MECOM: variants seen among roughly 807,000 people sequenced by gnomAD.
MECOM encodes histone-lysine N-methyltransferase MECOM.
A neutral mutation model predicts 116.3 loss-of-function variants in MECOM; 13 were observed. The ratio of observed to expected loss-of-function variants is 0.11; its 90% CI spans 0.07 to 0.18. MECOM has a LOEUF of 0.18. Among genes scored for constraint, MECOM ranks in the 10% least tolerant of loss-of-function variants. The pLI is 1.00. For missense variants in MECOM, 1,299 were observed against 1,509.0 expected (o/e 0.86, Z 2.31); for synonymous variants, 528 against 535.2 (o/e 0.99, Z 0.19).
At chr3:169,424,840 A>AT (rs923169004) in intron 1 of MECOM, among the ~76,000 whole-genome samples, 7 of 152,084 alleles carry the variant, frequency 4.6e-5, no homozygotes, top group Non-Finnish European at 1.0e-4. Flanking sequence ...TGATTCATTT[A>AT]TTTTTTTGTT....
intron 2 of MECOM, among the ~76,000 whole-genome samples, chr3:169,299,178 T>C (rs1307074887): frequency 6.6e-6 from 1 of 151,994 alleles, no homozygotes; most frequent in Non-Finnish European, 1.5e-5. Context: ...CCACCTATAG[T>C]CATTACTCAA....
intron 2 of MECOM, among the ~76,000 whole-genome samples, chr3:169,239,708 AT>A (rs1039374292): frequency 3.3e-5 from 5 of 152,082 alleles, no homozygotes; most frequent in African/African-American, 7.2e-5. Flanking sequence ...AAGAAATTGT[AT>A]TTTTTTCTAA....
In MECOM at chr3:169,128,072, A is replaced by T. The variant is rs377512793; in HGVS notation, c.614-12T>A. ...ATATTGCCGTTCTTCTGTGAAAACA[A>T]TTCAGGTGTTAGGATTGGGTGGTCA... On this transcript the variant is annotated splice_polypyrimidine_tract_variant and intron_variant, in intron 4 of 16. Transcript: ENST00000651503. The T allele has an allele frequency of 6.2e-7, 1 of 1,613,524 alleles. No individual in the cohort carries two copies. The highest frequency in any genetic ancestry group is 1.3e-5 in the African/African-American group (1 of 74,926).
chr3:169,599,663 A>G (rs1170391934), intron 1 of MECOM, among the ~76,000 whole-genome samples: 6 of 152,218 alleles, frequency 3.9e-5, no homozygotes, highest in African/African-American at 1.4e-4. Flanking sequence ...CAATTCTCTC[A>G]CTGGGAATGG....
At chr3:169,322,463 T>C (rs1721022638) in intron 2 of MECOM, among the ~76,000 whole-genome samples, 1 of 152,202 alleles carries the variant, frequency 6.6e-6, no homozygotes. Context: ...CAATAGGCTA[T>C]AGGTGTAAAG....
intron 2 of MECOM, among the ~76,000 whole-genome samples, chr3:169,183,297 A>G (rs1746227472): frequency 6.6e-6 from 1 of 152,200 alleles, no homozygotes; most frequent in Non-Finnish European, 1.5e-5. Context: ...TCTGAAGACA[A>G]TGAACACATT....
At chr3:169,504,909 G>T (rs750992719) in intron 1 of MECOM, among the ~76,000 whole-genome samples, 5 of 152,092 alleles carry the variant, frequency 3.3e-5, no homozygotes, top group Non-Finnish European at 5.9e-5. Context: ...CTTAGCATAG[G>T]CATAGCTGGC....
At chr3:169,620,315 C>T (rs1770558412) in intron 1 of MECOM, among the ~76,000 whole-genome samples, 1 of 152,160 alleles carries the variant, frequency 6.6e-6, no homozygotes, top group African/African-American at 2.4e-5. Context: ...CTGTTAATGA[C>T]GAAGGCCTTT....
intron 2 of MECOM, among the ~76,000 whole-genome samples, chr3:169,246,766 C>A (rs892410725): frequency 6.6e-6 from 1 of 152,078 alleles, no homozygotes; most frequent in African/African-American, 2.4e-5. Flanking sequence ...ATGATCCGCC[C>A]GCCTTGGCCT....
chr3:169,393,834 T>G (rs1179829636), intron 1 of MECOM, among the ~76,000 whole-genome samples: 1 of 152,170 alleles, frequency 6.6e-6, no homozygotes, highest in African/African-American at 2.4e-5. Context: ...GATATTTCAA[T>G]AGCATTGTAG....
At chr3:169,363,967 C>T (rs1431081024) in intron 2 of MECOM, among the ~76,000 whole-genome samples, 1 of 151,948 alleles carries the variant, frequency 6.6e-6, no homozygotes, top group Non-Finnish European at 1.5e-5. Context: ...TCATAAAATA[C>T]ACACAGATGC....
chr3:169,571,026 A>C (rs1763826604), intron 1 of MECOM, among the ~76,000 whole-genome samples: 1 of 152,090 alleles, frequency 6.6e-6, no homozygotes, highest in South Asian at 2.1e-4. Context: ...GGGTATTCAA[A>C]TAGGAAAAAA....
intron 2 of MECOM, among the ~76,000 whole-genome samples, chr3:169,300,846 T>G (rs1560105307): frequency 6.6e-6 from 1 of 152,206 alleles, no homozygotes; most frequent in African/African-American, 2.4e-5. Flanking sequence ...TCACTGTACT[T>G]CTATACTGGA....
intron 1 of MECOM, among the ~76,000 whole-genome samples, chr3:169,514,600 T>C (rs1404352274): frequency 6.6e-6 from 1 of 152,248 alleles, no homozygotes; most frequent in Non-Finnish European, 1.5e-5. Flanking sequence ...CATCTGGTTC[T>C]AAAGCAAGAT....
chr3:169,277,513 G>A (rs1053255837), intron 2 of MECOM, among the ~76,000 whole-genome samples: 1 of 152,138 alleles, frequency 6.6e-6, no homozygotes, highest in African/African-American at 2.4e-5. Flanking sequence ...AACCAAAGAT[G>A]AATTTTAGTC....
At chr3:169,107,139 T>C (rs753508905) in intron 10 of MECOM, among the ~76,000 whole-genome samples, 4 of 152,120 alleles carry the variant, frequency 2.6e-5, no homozygotes, top group Non-Finnish European at 5.9e-5. Flanking sequence ...TATCCCAAGA[T>C]TTTGCTCATT....
chr3:169,612,432 C>A (rs1769403291), intron 1 of MECOM, among the ~76,000 whole-genome samples: 1 of 152,106 alleles, frequency 6.6e-6, no homozygotes, highest in South Asian at 2.1e-4. Flanking sequence ...GCAAAAACAT[C>A]CAAAGTGTAA....
chr3:169,594,176 A>AAAAAAAAAAAAAAAAAAAAAAAC (rs1553894631), intron 1 of MECOM, among the ~76,000 whole-genome samples: 9 of 139,732 alleles, frequency 6.4e-5, no homozygotes, highest in African/African-American at 1.1e-4. Flanking sequence ...AAAAAAAAAA[A>AAAAAAAAAAAAAAAAAAAAAAAC]CACCTTTTCA....
chr3:169,550,008 C>T (rs1421012), intron 1 of MECOM, among the ~76,000 whole-genome samples: 25,195 of 151,626 alleles, frequency 0.17, 2,434 homozygotes, highest in East Asian at 0.37. Flanking sequence ...AATCTCCATA[C>T]GGATTGGAAA....
Sources: allele counts gnomAD v4.1 joint callset (sites outside exome capture counted in the v4.1 genomes callset), GRCh38; gene constraint gnomAD v4.1.1; transcripts MANE v1.5; gene names NCBI Gene and HGNC (gene_info 2026-07-23, HGNC 2026-07-21).